Variants in PDE4B observed in about 807,000 individuals in gnomAD.
The protein encoded by PDE4B is phosphodiesterase 4B.
Under a neutral mutation model 82.2 loss-of-function variants are expected in PDE4B, and 20 were observed. That is an observed-to-expected ratio of 0.24 (90% CI 0.17 to 0.35). The LOEUF is 0.35. Ranked by LOEUF, PDE4B falls within the 10% of genes least tolerant of loss-of-function variation. The probability of loss-of-function intolerance (pLI) is 1.00; values close to 1 mark genes in which losing one functional copy is unlikely to be tolerated. For missense variants in PDE4B, 655 were observed against 907.2 expected (o/e 0.72, Z 3.57); for synonymous variants, 320 against 318.9 (o/e 1.00, Z -0.04).
rs571396791 is a variant in PDE4B, at chr1:66,271,093, A to G, written c.634+5006A>G. Among the ~76,000 whole-genome samples the G allele has an allele frequency of 3.9e-5, 6 of 152,364 alleles. No homozygotes were observed. In the South Asian group the frequency reaches 1.2e-3, roughly 32 times the overall value. ...GAGCTGTTTATATTGATTTGCAGTT[A>G]TTTCATACATATCTAAAATTAAGTA... On this transcript the variant is annotated intron_variant, in intron 7 of 16. Coordinates refer to ENST00000341517, the MANE Select transcript of PDE4B (RefSeq NM_002600.4).
intron 3 of PDE4B, among the ~76,000 whole-genome samples, chr1:66,223,117 A>C (rs553753604): frequency 6.6e-6 from 1 of 152,160 alleles, no homozygotes; most frequent in Admixed American, 6.5e-5. Context: ...ATAAGCAAAA[A>C]CCGACAAGGT....
chr1:66,209,076 G>T (rs560936), intron 3 of PDE4B, among the ~76,000 whole-genome samples: 17,938 of 152,194 alleles, frequency 0.12, 1,347 homozygotes, highest in Non-Finnish European at 0.17. Context: ...TTAGACTCAT[G>T]CCAGACCATG....
At chr1:65,966,604 A>G (rs1042112888) in intron 3 of PDE4B, among the ~76,000 whole-genome samples, 2 of 152,194 alleles carry the variant, frequency 1.3e-5, no homozygotes, top group African/African-American at 4.8e-5. Context: ...ATCCTAAGCA[A>G]AAAGAACAAA....
chr1:65,961,282 G>GTCTAGAA (rs1424768167), intron 3 of PDE4B, among the ~76,000 whole-genome samples: 2 of 152,106 alleles, frequency 1.3e-5, no homozygotes, highest in Admixed American at 6.6e-5. Context: ...CCATACATCT[G>GTCTAGAA]TCTAGAAAAA....
At chr1:66,233,345 G>C (rs1222378357) in intron 3 of PDE4B, among the ~76,000 whole-genome samples, 1 of 151,998 alleles carries the variant, frequency 6.6e-6, no homozygotes, top group Non-Finnish European at 1.5e-5. Context: ...GTATTCCACT[G>C]TATGGGTATA....
chr1:66,276,217 T>C (rs1487255564), intron 7 of PDE4B, among the ~76,000 whole-genome samples: 1 of 152,230 alleles, frequency 6.6e-6, no homozygotes, highest in Non-Finnish European at 1.5e-5. Context: ...CCTTTGAATA[T>C]ATCACGTCAC....
rs181125841 is a variant in PDE4B at position 65,890,529 on chromosome 1, T to C, written c.-70-22716T>C. 1.3e-3 allele frequency among the ~76,000 whole-genome samples: 194 copies of C among 152,164 alleles called. 2 individuals carry two copies. The highest frequency in any genetic ancestry group is 4.5e-3 in the African/African-American group (186 of 41,540). On this transcript the variant is annotated intron_variant, in intron 1 of 16. Coordinates refer to ENST00000341517, the MANE Select transcript of PDE4B (RefSeq NM_002600.4). ...AACTAGACATTGTGACGGATTGAAG[T>C]ATACATGTTCTTAATCTCAATGTAC...
chr1:66,315,818 T>A (rs984115212), intron 7 of PDE4B, among the ~76,000 whole-genome samples: 1 of 151,936 alleles, frequency 6.6e-6, no homozygotes, highest in Non-Finnish European at 1.5e-5. Flanking sequence ...TGAAGGTGAG[T>A]CATTCCCTCT....
intron 3 of PDE4B, among the ~76,000 whole-genome samples, chr1:66,228,838 G>T (rs1651688615): frequency 6.6e-6 from 1 of 151,986 alleles, no homozygotes; most frequent in Non-Finnish European, 1.5e-5. Flanking sequence ...CCTATTTCAG[G>T]CAGAAAAAAC....
chr1:66,107,689 G>A (rs888698920), intron 3 of PDE4B, among the ~76,000 whole-genome samples: 6 of 151,786 alleles, frequency 4.0e-5, no homozygotes, highest in Non-Finnish European at 8.8e-5. Context: ...TTCCCTTTAG[G>A]AGCTTTCATG....
At position 66,368,866 on chromosome 1, in the gene PDE4B, G is replaced by T. The variant is rs1289148672; in HGVS notation, c.1742G>T (p.Arg581Leu). The T allele has an allele frequency of 6.2e-7, 1 of 1,613,302 alleles. No homozygotes were observed. The highest frequency in any genetic ancestry group is 1.7e-5 in the Admixed American group (1 of 59,948). ...GAATTGTATCGGCAATGGACAGACC[G>T]CATCATGGAGGAATTTTTCCAGCAG... ...SLELYRQWTD[R>L]IMEEFFQQGD... The change falls in exon 16 of 17, where the codon CGC becomes CTC. Residue 581 changes from arginine (R) to leucine (L), a missense_variant. Transcript: ENST00000341517.
At chr1:66,110,838 G>GC (rs1209419234) in intron 3 of PDE4B, among the ~76,000 whole-genome samples, 1 of 152,018 alleles carries the variant, frequency 6.6e-6, no homozygotes, top group African/African-American at 2.4e-5. Context: ...GACTATGACT[G>GC]CTATCACCAC....
chr1:66,106,206 T>C (rs9436760), intron 3 of PDE4B, among the ~76,000 whole-genome samples: 98,354 of 151,724 alleles, frequency 0.65, 32,120 homozygotes, highest in East Asian at 0.72. Context: ...ATCGTGGTTT[T>C]TGTCTTTGGT....
At chr1:65,872,683 G>C (rs1317255564) in intron 1 of PDE4B, among the ~76,000 whole-genome samples, 1 of 152,164 alleles carries the variant, frequency 6.6e-6, no homozygotes, top group Non-Finnish European at 1.5e-5. Flanking sequence ...CAGTCAGCAT[G>C]CTTCATTGAA....
At chr1:65,946,190 G>A (rs1648703716) in intron 3 of PDE4B, among the ~76,000 whole-genome samples, 1 of 151,900 alleles carries the variant, frequency 6.6e-6, no homozygotes, top group Admixed American at 6.6e-5. Context: ...AAGCATGCGG[G>A]TTTGTGACAT....
At chr1:66,128,401 G>A (rs912103247) in intron 3 of PDE4B, among the ~76,000 whole-genome samples, 8 of 152,180 alleles carry the variant, frequency 5.3e-5, no homozygotes, top group African/African-American at 9.6e-5. Context: ...TGTTGCCATC[G>A]TCTCATTAGA....
intron 10 of PDE4B, among the ~76,000 whole-genome samples, chr1:66,362,534 A>G (rs1187863115): frequency 1.3e-5 from 2 of 152,182 alleles, no homozygotes; most frequent in African/African-American, 2.4e-5. Context: ...TACTCTGGAT[A>G]GTTACTAAGA....
Position 66,372,859 on chromosome 1 carries a change from C to T in PDE4B, c.*181C>T, listed in dbSNP as rs1002724488. On this transcript the variant is annotated 3_prime_UTR_variant, in exon 17 of 17. Transcript: ENST00000341517. Reference sequence around the variant, plus strand: ...GCAAATAGCAGCTCAGGAAATCCCACGGTTGACTTGCCTTGATGGCAAGCT... The same window carrying T: ...GCAAATAGCAGCTCAGGAAATCCCATGGTTGACTTGCCTTGATGGCAAGCT... 4.0e-5 allele frequency: 24 copies of T among 594,390 alleles called. No homozygotes were observed. The highest frequency in any genetic ancestry group is 5.5e-5 in the Non-Finnish European group (19 of 344,066). 36.8% of individuals were successfully genotyped at this position (594,390 alleles called of 1,614,324 possible).
chr1:66,362,116 T>A (rs1662827198), intron 10 of PDE4B, among the ~76,000 whole-genome samples: 1 of 152,142 alleles, frequency 6.6e-6, no homozygotes, highest in Non-Finnish European at 1.5e-5. Flanking sequence ...TGTTTTGTCC[T>A]GAGTTAGGTT....
Sources: gnomAD v4.1 joint callset for allele counts (sites outside exome capture counted in the v4.1 genomes callset) on GRCh38, gnomAD v4.1.1 for gene constraint, MANE v1.5 for transcripts, NCBI Gene and HGNC (gene_info 2026-07-23, HGNC 2026-07-21) for gene names.